GRM8: variants seen among roughly 807,000 people sequenced by gnomAD.
GRM8 encodes metabotropic glutamate receptor 8.
A neutral mutation model predicts 87.2 loss-of-function variants in GRM8; 47 were observed. The ratio of observed to expected loss-of-function variants is 0.54; its 90% CI spans 0.43 to 0.69. The LOEUF (loss-of-function observed/expected upper bound fraction) is 0.69. Among genes scored for constraint, GRM8 ranks in the 30% least tolerant of loss-of-function variants. The pLI is 0.00. For missense variants in GRM8, 1,019 were observed against 1,139.2 expected (o/e 0.89, Z 1.52); for synonymous variants, 396 against 404.5 (o/e 0.98, Z 0.25).
At chr7:126,701,679 G>C in intron 7 of GRM8, 1 of 501,130 alleles carries the variant, frequency 2.0e-6, no homozygotes, top group Non-Finnish European at 3.8e-6. Context: ...AAAATATTGT[G>C]AGAATTTTTT....
intron 2 of GRM8, among the ~76,000 whole-genome samples, chr7:127,224,262 G>A (rs934794185): frequency 6.6e-6 from 1 of 152,144 alleles, no homozygotes; most frequent in African/African-American, 2.4e-5. Context: ...ATGCATCACA[G>A]TCCCACAAAA....
intron 3 of GRM8, among the ~76,000 whole-genome samples, chr7:127,001,558 A>C (rs1358636480): frequency 1.3e-5 from 2 of 151,708 alleles, no homozygotes; most frequent in Non-Finnish European, 3.0e-5. Context: ...AAGTCATTAG[A>C]ATGGCTAAAA....
At position 127,232,897 on chromosome 7, in the gene GRM8, G is replaced by A. The variant is rs979503906; in HGVS notation, c.510+9798C>T. Among the ~76,000 whole-genome samples the A allele has an allele frequency of 7.2e-5, 11 of 152,240 alleles. 1 individual carries two copies. The highest frequency in any genetic ancestry group is 7.2e-4 in the Admixed American group (11 of 15,294). On this transcript the variant is annotated intron_variant, in intron 2 of 10. Coordinates refer to ENST00000339582, the MANE Select transcript of GRM8 (RefSeq NM_000845.3). ...CTGTTACCCAGGCTGGAGTGCAGTG[G>A]CGCGATCTTGGCTCACTGCAACCTC...
rs1163594020 is a variant in GRM8, at chr7:126,685,576, G to A, written c.1358-76078C>T. Among the ~76,000 whole-genome samples, 1 of 152,144 alleles carries A rather than the reference G, an allele frequency of 6.6e-6. No homozygotes were observed. The highest frequency in any genetic ancestry group is 2.4e-5 in the African/African-American group (1 of 41,452). ...TGTCAGTGTATGCTCTGATCTTGGA[G>A]TAAGGTTGGGGCCAAGCCTGAGCAC... On this transcript the variant is annotated intron_variant, in intron 7 of 10. Coordinates refer to ENST00000339582, the MANE Select transcript of GRM8 (RefSeq NM_000845.3). The surrounding 1 kb of genome is among the most constrained non-coding windows in gnomAD (Gnocchi z 4.2).
rs71522228 is a variant in GRM8, at chr7:126,788,789, T to TA, written c.1157-18725dup. Among the ~76,000 whole-genome samples the TA allele has an allele frequency of 6.0e-4, 85 of 141,004 alleles. 1 individual carries two copies. Among genetic ancestry groups the TA allele is most frequent in the Non-Finnish European group, 7.2e-4 (47 of 65,262 alleles). The allele number at this position is 141,004 out of a possible 152,430, so 92.5% of individuals were successfully genotyped here. On this transcript the variant is annotated intron_variant, in intron 6 of 10. Coordinates refer to ENST00000339582, the MANE Select transcript of GRM8 (RefSeq NM_000845.3). ...GCAATTAGAGGTAGATCTGGTCAGT[T>TA]AAAAAAAAAAAAACCTCAGAGACAG... is the stretch of plus-strand genomic sequence containing the variant.
At chr7:126,532,906 T>A in intron 9 of GRM8, 46 bp downstream of exon 9, 1 of 1,091,214 alleles carries the variant, frequency 9.2e-7, no homozygotes, top group Non-Finnish European at 1.4e-6. Context: ...TAAAAGAAGA[T>A]GTTAAATCCA....
At chr7:126,697,536 A>G (rs1356210379) in intron 7 of GRM8, among the ~76,000 whole-genome samples, 1 of 152,150 alleles carries the variant, frequency 6.6e-6, no homozygotes, top group Non-Finnish European at 1.5e-5. Context: ...AATATACACA[A>G]TAAAAGAAGG....
intron 9 of GRM8, among the ~76,000 whole-genome samples, chr7:126,517,121 G>C (rs968996082): frequency 2.0e-5 from 3 of 152,024 alleles, no homozygotes; most frequent in Admixed American, 1.3e-4. Context: ...GAAACATTTT[G>C]TGTCTGTTTA....
chr7:127,166,993 G>A (rs1793491032), intron 2 of GRM8, among the ~76,000 whole-genome samples: 2 of 152,110 alleles, frequency 1.3e-5, no homozygotes, highest in Admixed American at 6.6e-5. Context: ...TGATCTGCAA[G>A]CATGAGTTGA....
At chr7:126,980,994 A>C (rs1456156140) in intron 3 of GRM8, 1 of 152,140 alleles carries the variant, frequency 6.6e-6, no homozygotes, top group East Asian at 1.9e-4. Context: ...GTGTGTTCCC[A>C]CCTTTCTCTG....
intron 7 of GRM8, among the ~76,000 whole-genome samples, chr7:126,623,110 G>T (rs1800338858): frequency 6.7e-6 from 1 of 148,592 alleles, no homozygotes. Context: ...GCAACACACA[G>T]GACTAAATCT....
intron 8 of GRM8, among the ~76,000 whole-genome samples, chr7:126,554,309 G>A (rs901848340): frequency 1.2e-4 from 19 of 152,182 alleles, no homozygotes; most frequent in Non-Finnish European, 2.6e-4. Context: ...GCCAGGTGCA[G>A]TGGCTCATGC....
chr7:126,891,685 A>G (rs1362407009), intron 6 of GRM8, among the ~76,000 whole-genome samples: 1 of 151,976 alleles, frequency 6.6e-6, no homozygotes, highest in East Asian at 1.9e-4. Context: ...AATGACACCA[A>G]TCTTCTCCCC....
chr7:126,507,851 C>A (rs1183063900), intron 9 of GRM8, among the ~76,000 whole-genome samples: 1 of 151,988 alleles, frequency 6.6e-6, no homozygotes, highest in Admixed American at 6.6e-5. Context: ...CTGTATGGCC[C>A]TCCCCCAAGT....
At chr7:126,445,635 A>G (rs1338613124) in intron 10 of GRM8, among the ~76,000 whole-genome samples, 1 of 152,018 alleles carries the variant, frequency 6.6e-6, no homozygotes, top group African/African-American at 2.4e-5. Context: ...AGAAACAAGT[A>G]TTAACTGTGA....
At chr7:126,760,130 A>G (rs1585817298) in intron 7 of GRM8, among the ~76,000 whole-genome samples, 1 of 152,186 alleles carries the variant, frequency 6.6e-6, no homozygotes, top group South Asian at 2.1e-4. Flanking sequence ...ACCCAAGGTC[A>G]GCCCTCAATT....
At chr7:126,919,708 G>A (rs377376511) in intron 3 of GRM8, among the ~76,000 whole-genome samples, 2,487 of 151,788 alleles carry the variant, frequency 0.016, 65 homozygotes, top group African/African-American at 0.056. Context: ...TCCTCTCCTC[G>A]TCCATTTCTC....
At chr7:126,488,738 A>G (rs964215474) in intron 9 of GRM8, among the ~76,000 whole-genome samples, 1 of 151,912 alleles carries the variant, frequency 6.6e-6, no homozygotes, top group African/African-American at 2.4e-5. Context: ...TTATCTTCCA[A>G]ACTAGATTGT....
intron 9 of GRM8, among the ~76,000 whole-genome samples, chr7:126,498,313 T>A (rs931816855): frequency 3.3e-5 from 5 of 151,928 alleles, no homozygotes; most frequent in African/African-American, 1.2e-4. Flanking sequence ...TCATGCATGA[T>A]AAACTGTGTG....
Sources: gnomAD v4.1 joint callset for allele counts (sites outside exome capture counted in the v4.1 genomes callset) on GRCh38, gnomAD v4.1.1 for gene constraint, Gnocchi (gnomAD v3.1) non-coding constraint, MANE v1.5 for transcripts, NCBI Gene and HGNC (gene_info 2026-07-23, HGNC 2026-07-21) for gene names.